The following FAM53B variants were observed in gnomAD, a reference collection of about 807,000 sequenced individuals.
FAM53B encodes the protein protein FAM53B.
Under a neutral mutation model 32.7 loss-of-function variants are expected in FAM53B, and 12 were observed. The observed-to-expected ratio is 0.37, with a 90% CI of 0.24 to 0.59. FAM53B has a LOEUF of 0.59. Among genes scored for constraint, FAM53B ranks in the 20% least tolerant of loss-of-function variants. FAM53B has a pLI of 0.72. For missense variants in FAM53B, 477 were observed against 577.7 expected (o/e 0.83, Z 1.79); for synonymous variants, 234 against 228.7 (o/e 1.02, Z -0.21).
chr10:124,641,759 G>C (rs368064772), intron 4 of FAM53B, among the ~76,000 whole-genome samples: 1 of 152,252 alleles, frequency 6.6e-6, no homozygotes, highest in Non-Finnish European at 1.5e-5. Flanking sequence ...CTTGACCCTC[G>C]GTCCCAGGTG....
intron 4 of FAM53B, among the ~76,000 whole-genome samples, chr10:124,675,112 C>T (rs866774490): frequency 1.3e-5 from 2 of 152,204 alleles, no homozygotes; most frequent in Admixed American, 6.5e-5. Context: ...CACTCGGCCC[C>T]GATCCCAGTG....
intron 3 of FAM53B, among the ~76,000 whole-genome samples, chr10:124,694,841 G>T (rs1949858775): frequency 6.6e-6 from 1 of 152,194 alleles, no homozygotes; most frequent in Non-Finnish European, 1.5e-5. Flanking sequence ...TTCTTCAGTG[G>T]CAGCATCAAG....
intron 1 of FAM53B, among the ~76,000 whole-genome samples, chr10:124,728,636 C>T (rs990687046): frequency 2.0e-5 from 3 of 152,168 alleles, no homozygotes; most frequent in Admixed American, 2.0e-4. Context: ...TTGATGACTT[C>T]TATGCAAGAT....
At chr10:124,643,905 T>C (rs959651781) in intron 4 of FAM53B, among the ~76,000 whole-genome samples, 1 of 152,210 alleles carries the variant, frequency 6.6e-6, no homozygotes, top group Non-Finnish European at 1.5e-5. Context: ...AGGTTGGAGA[T>C]GCCCATCTGT....
chr10:124,702,752 C>T (rs917501002), intron 2 of FAM53B, among the ~76,000 whole-genome samples: 1 of 152,146 alleles, frequency 6.6e-6, no homozygotes, highest in Non-Finnish European at 1.5e-5. Context: ...TTTGGATGTT[C>T]GTCCCCTCCA....
intron 4 of FAM53B, among the ~76,000 whole-genome samples, chr10:124,677,947 G>GCT (rs1949746670): frequency 6.6e-6 from 1 of 152,184 alleles, no homozygotes; most frequent in African/African-American, 2.4e-5. Flanking sequence ...ATAACCCTGG[G>GCT]CTCTGAACAC....
At chr10:124,729,276 C>T (rs1236904613) in intron 1 of FAM53B, among the ~76,000 whole-genome samples, 1 of 152,192 alleles carries the variant, frequency 6.6e-6, no homozygotes, top group African/African-American at 2.4e-5. Flanking sequence ...ACACAGGACA[C>T]CATTCCAGGA....
chr10:124,727,341 G>A (rs112251484), intron 1 of FAM53B, among the ~76,000 whole-genome samples: 1 of 140,270 alleles, frequency 7.1e-6, no homozygotes, highest in South Asian at 2.5e-4. Flanking sequence ...GGGGGGGGGG[G>A]GGGTGCGGGG....
intron 1 of FAM53B, among the ~76,000 whole-genome samples, chr10:124,727,081 C>G (rs563738216): frequency 8.5e-5 from 13 of 152,304 alleles, no homozygotes; most frequent in African/African-American, 3.1e-4. Context: ...TGCAGTGGCA[C>G]GATCTTGGCT....
intron 4 of FAM53B, among the ~76,000 whole-genome samples, chr10:124,663,211 C>T (rs1211438441): frequency 1.3e-5 from 2 of 152,238 alleles, no homozygotes; most frequent in African/African-American, 4.8e-5. Flanking sequence ...AAAGTGCAAG[C>T]CTGTGCATGA....
At chr10:124,707,299 T>C (rs1949967031) in intron 1 of FAM53B, among the ~76,000 whole-genome samples, 1 of 152,196 alleles carries the variant, frequency 6.6e-6, no homozygotes, top group Non-Finnish European at 1.5e-5. Context: ...GGTCAGAACA[T>C]GCCTCAGCCC....
chr10:124,737,947 G>C (rs1450967262), intron 1 of FAM53B, among the ~76,000 whole-genome samples: 1 of 152,152 alleles, frequency 6.6e-6, no homozygotes, highest in Non-Finnish European at 1.5e-5. Flanking sequence ...ACCACAGCCT[G>C]AGTAAAATCT....
chr10:124,666,210 A>G (rs1378752071), intron 4 of FAM53B, among the ~76,000 whole-genome samples: 1 of 152,244 alleles, frequency 6.6e-6, no homozygotes, highest in Non-Finnish European at 1.5e-5. Context: ...AGGGTGGGGC[A>G]AACCAGAGCC....
chr10:124,691,184 CT>C (rs2134074454), intron 3 of FAM53B, among the ~76,000 whole-genome samples: 1 of 152,344 alleles, frequency 6.6e-6, no homozygotes, highest in African/African-American at 2.4e-5. Context: ...ACACAGCCAA[CT>C]GGTTTACCCT....
Position 124,619,414 on chromosome 10 carries a change from AGACCCTG to A in FAM53B, c.*3821_*3827del, listed in dbSNP as rs1018785117. 1 of 152,562 alleles carries A rather than the reference AGACCCTG, an allele frequency of 6.6e-6. No homozygotes were observed. The highest frequency in any genetic ancestry group is 1.5e-5 in the Non-Finnish European group (1 of 68,046). 9.5% of individuals were successfully genotyped at this position (152,562 alleles called of 1,614,324 possible). On this transcript the variant is annotated 3_prime_UTR_variant, in exon 5 of 5. Coordinates refer to ENST00000337318, the MANE Select transcript of FAM53B (RefSeq NM_014661.4). ...GGGAGGCCAGGCTGCAGGGGCGGGCAGACCCTGGGCCCCGGGTCTACGCTTTCTGGTC... is the reference window on the plus strand; with the variant it reads ...GGGAGGCCAGGCTGCAGGGGCGGGCAGGCCCCGGGTCTACGCTTTCTGGTC...
rs1050813119 is a variant in FAM53B, at chr10:124,657,070, A to G, written c.906+24537T>C. On this transcript the variant is annotated intron_variant, in intron 4 of 4. Coordinates refer to ENST00000337318, the MANE Select transcript of FAM53B (RefSeq NM_014661.4). The stretch of plus-strand genomic sequence containing the variant: ...TATATATGTATATATGTATATATAT[A>G]TGTATATATATGTGTGTGTATATAT... Among the ~76,000 whole-genome samples the G allele has an allele frequency of 1.4e-3, 181 of 126,464 alleles. 4 individuals carry two copies. In the East Asian group the frequency reaches 0.034, roughly 24 times the overall value. 83.0% of individuals were successfully genotyped at this position (126,464 alleles called of 152,430 possible).
chr10:124,706,821 G>T lies in FAM53B; in HGVS notation c.-108C>A. 1 of 1,569,120 alleles carries T rather than the reference G, an allele frequency of 6.4e-7. No homozygotes were observed. Among genetic ancestry groups the T allele is most frequent in the East Asian group, 2.3e-5 (1 of 43,242 alleles). ...TGGGGAATTGATGTCAGCAGAAACAGCTCCCCATTGGCCACTCACCCTTGG... is the reference window on the plus strand; with the variant it reads ...TGGGGAATTGATGTCAGCAGAAACATCTCCCCATTGGCCACTCACCCTTGG... On this transcript the variant is annotated 5_prime_UTR_variant, in exon 2 of 5. In the 5' UTR this introduces an upstream ATG that the reference lacks. Coordinates refer to ENST00000337318, the MANE Select transcript of FAM53B (RefSeq NM_014661.4).
chr10:124,655,336 T>C (rs1216593874), intron 4 of FAM53B, among the ~76,000 whole-genome samples: 1 of 151,974 alleles, frequency 6.6e-6, no homozygotes, highest in African/African-American at 2.4e-5. Flanking sequence ...AATTCAGGTG[T>C]CAGGACCTGC....
rs1241410479 is a variant in FAM53B, at chr10:124,620,337, G to C, written c.*2905C>G. ...CAGTTTGGTGGCTTTGGAATGAGTG[G>C]GGTGCATGTGGCACTAAGCCCCCCC... is the stretch of plus-strand genomic sequence containing the variant. On this transcript the variant is annotated 3_prime_UTR_variant, in exon 5 of 5. Coordinates refer to ENST00000337318, the MANE Select transcript of FAM53B (RefSeq NM_014661.4). 6.6e-6 allele frequency: 1 copy of C among 150,696 alleles called. No homozygotes were observed. Among genetic ancestry groups the C allele is most frequent in the East Asian group, 2.0e-4 (1 of 4,960 alleles). 9.3% of individuals were successfully genotyped at this position (150,696 alleles called of 1,614,324 possible).
Sources: allele counts gnomAD v4.1 joint callset (sites outside exome capture counted in the v4.1 genomes callset), GRCh38; gene constraint gnomAD v4.1.1; transcripts MANE v1.5; gene names NCBI Gene and HGNC (gene_info 2026-07-23, HGNC 2026-07-21).